ATG7: variants seen among roughly 807,000 people sequenced by gnomAD.
The protein encoded by ATG7 is ubiquitin-like modifier-activating enzyme ATG7.
Under a neutral mutation model 82.4 loss-of-function variants are expected in ATG7, and 70 were observed. The observed-to-expected ratio is 0.85, with a 90% CI of 0.70 to 1.04. The LOEUF is 1.04. ATG7 is among the 50% of genes least tolerant of loss of function. ATG7 has a pLI of 0.00. For synonymous variants in ATG7, 287 were observed against 313.0 expected (o/e 0.92, Z 0.88); for missense variants, 792 against 864.3 (o/e 0.92, Z 1.05).
chr3:11,520,132 A>G (rs939455571), intron 20 of ATG7, among the ~76,000 whole-genome samples: 4 of 152,210 alleles, frequency 2.6e-5, no homozygotes, highest in African/African-American at 7.2e-5. Flanking sequence ...TTGTGAGACA[A>G]GGAAACTGAG....
chr3:11,559,321 G>A (rs180768497), downstream of ATG7: 39 of 1,530,246 alleles, frequency 2.5e-5, 1 homozygote, highest in Non-Finnish European at 2.3e-5. Context: ...GAGGAGGCCC[G>A]GGACACTCAC....
chr3:11,420,987 C>A (rs920690995), intron 19 of ATG7, among the ~76,000 whole-genome samples: 1 of 152,046 alleles, frequency 6.6e-6, no homozygotes, highest in Admixed American at 6.5e-5. Context: ...AATCTCCTGA[C>A]CTCGTGATCC....
At chr3:11,560,348 A>C (rs1302166978), downstream of ATG7, among the ~76,000 whole-genome samples, 1 of 152,212 alleles carries the variant, frequency 6.6e-6, no homozygotes, top group South Asian at 2.1e-4. Context: ...GTATCTTCCA[A>C]TACCCCCGAG....
chr3:11,484,748 G>A (rs1313211665), intron 20 of ATG7, among the ~76,000 whole-genome samples: 1 of 152,120 alleles, frequency 6.6e-6, no homozygotes. Context: ...CTGTGTCCAT[G>A]TGTTGTCATT....
intron 5 of ATG7, among the ~76,000 whole-genome samples, chr3:11,303,874 C>T (rs1947241220): frequency 7.0e-6 from 1 of 143,110 alleles, no homozygotes; most frequent in Admixed American, 7.3e-5. Context: ...GGGATCGAGA[C>T]CATCCTGGTT....
At chr3:11,274,919 A>G (rs1013620884) in intron 1 of ATG7, among the ~76,000 whole-genome samples, 2 of 152,018 alleles carry the variant, frequency 1.3e-5, no homozygotes, top group Non-Finnish European at 2.9e-5. Context: ...TTTAAAACAG[A>G]TGCGACATCC....
At chr3:11,467,276 A>G (rs537645214) in intron 20 of ATG7, among the ~76,000 whole-genome samples, 198 of 152,288 alleles carry the variant, frequency 1.3e-3, no homozygotes, top group African/African-American at 4.5e-3. Flanking sequence ...TAAATTCACT[A>G]CTTATTAGCT....
chr3:11,376,829 C>T (rs1007606294), intron 18 of ATG7, among the ~76,000 whole-genome samples: 5 of 152,160 alleles, frequency 3.3e-5, no homozygotes, highest in African/African-American at 7.2e-5. Flanking sequence ...AGCTCCACCT[C>T]CCGGGTTCAC....
In ATG7 at chr3:11,315,653, C is replaced by T. The variant is rs182955849; in HGVS notation, c.678+160C>T. Among the ~76,000 whole-genome samples the T allele has an allele frequency of 4.9e-4, 75 of 152,348 alleles. 1 individual carries two copies. The highest frequency in any genetic ancestry group is 8.1e-4 in the Non-Finnish European group (55 of 68,028). On this transcript the variant is annotated intron_variant, in intron 9 of 20. Transcript: ENST00000693202. ...TTATCTCTATCCTCTCCCACCCCTACAGTTATCGAATCAGCTCCTCTAGGT... is the reference window on the plus strand; with the variant it reads ...TTATCTCTATCCTCTCCCACCCCTATAGTTATCGAATCAGCTCCTCTAGGT...
intron 5 of ATG7, among the ~76,000 whole-genome samples, chr3:11,303,952 G>A (rs1455527168): frequency 1.3e-5 from 2 of 150,100 alleles, no homozygotes; most frequent in Non-Finnish European, 3.0e-5. Flanking sequence ...TTAGCCGGGC[G>A]TGGTGGCGGG....
intron 3 of ATG7, among the ~76,000 whole-genome samples, chr3:11,297,514 GTA>G (rs1381290797): frequency 6.6e-6 from 1 of 152,102 alleles, no homozygotes; most frequent in East Asian, 1.9e-4. Context: ...TCAAACTGGG[GTA>G]TGTTACCCCG....
At chr3:11,472,466 T>C (rs1231283976) in intron 20 of ATG7, among the ~76,000 whole-genome samples, 1 of 152,180 alleles carries the variant, frequency 6.6e-6, no homozygotes, top group Non-Finnish European at 1.5e-5. Context: ...TTTGGTCGGA[T>C]CTGGGATATA....
intron 20 of ATG7, among the ~76,000 whole-genome samples, chr3:11,507,631 T>C (rs542030550): frequency 3.3e-5 from 5 of 152,158 alleles, no homozygotes; most frequent in African/African-American, 1.2e-4. Flanking sequence ...GTTATGGGTG[T>C]TTTTTGTTTT....
chr3:11,380,102 G>A (rs1390459263), intron 19 of ATG7, 50 bp downstream of exon 19: 1 of 1,546,770 alleles, frequency 6.5e-7, no homozygotes, highest in Non-Finnish European at 8.9e-7. Flanking sequence ...GAGCGGGTCA[G>A]CATTTGACCG....
chr3:11,558,644 C>A (rs2072663482), downstream of ATG7: 1 of 1,611,372 alleles, frequency 6.2e-7, no homozygotes. Flanking sequence ...GGACTCAGGG[C>A]TGCTGGATGC....
At chr3:11,388,548 C>T (rs2078501547) in intron 19 of ATG7, among the ~76,000 whole-genome samples, 3 of 151,840 alleles carry the variant, frequency 2.0e-5, no homozygotes, top group South Asian at 4.2e-4. Context: ...CCTGCCTCAG[C>T]GTCCCAAGTA....
chr3:11,440,491 AT>A (rs1227062802), intron 20 of ATG7, among the ~76,000 whole-genome samples: 1 of 142,460 alleles, frequency 7.0e-6, no homozygotes, highest in Non-Finnish European at 1.5e-5. Context: ...CGCCCGGCTA[AT>A]TTTTTGTATT....
intron 14 of ATG7, among the ~76,000 whole-genome samples, chr3:11,353,536 A>G (rs2075717810): frequency 6.6e-6 from 1 of 152,210 alleles, no homozygotes; most frequent in African/African-American, 2.4e-5. Context: ...TCTCATGTTG[A>G]ATTGTGATCC....
intron 13 of ATG7, among the ~76,000 whole-genome samples, chr3:11,343,435 A>T (rs905459951): frequency 6.6e-6 from 1 of 151,792 alleles, no homozygotes; most frequent in Admixed American, 6.6e-5. Flanking sequence ...TCTTTTATTC[A>T]TGTTCTTTGG....
Sources: gnomAD v4.1 joint callset for allele counts (sites outside exome capture counted in the v4.1 genomes callset) on GRCh38, gnomAD v4.1.1 for gene constraint, MANE v1.5 for transcripts, NCBI Gene and HGNC (gene_info 2026-07-23, HGNC 2026-07-21) for gene names.